Variants in GRHL1 observed in about 807,000 individuals in gnomAD.
The protein encoded by GRHL1 is grainyhead-like protein 1 homolog.
A neutral mutation model predicts 75.7 loss-of-function variants in GRHL1; 38 were observed. The observed-to-expected ratio is 0.50, with a 90% CI of 0.39 to 0.66. The LOEUF (loss-of-function observed/expected upper bound fraction) is 0.66, where lower values mean the gene tolerates loss of function less well. GRHL1 is among the 30% of genes least tolerant of loss of function. The pLI, the probability that GRHL1 is intolerant of heterozygous loss-of-function variation, is 0.00. For missense variants in GRHL1, 589 were observed against 767.5 expected (o/e 0.77, Z 2.75); for synonymous variants, 266 against 279.4 (o/e 0.95, Z 0.48).
At chr2:9,975,600 G>A (rs1038545937) in intron 8 of GRHL1, among the ~76,000 whole-genome samples, 3 of 152,124 alleles carry the variant, frequency 2.0e-5, no homozygotes, top group South Asian at 2.1e-4. Context: ...AACACAGGCC[G>A]GGCGCGGTGG....
Position 9,998,732 on chromosome 2 carries a change from GTATATATGTACACACATATATACGTA to G in GRHL1, c.1678-184_1678-159del, listed in dbSNP as rs1558321045. On this transcript the variant is annotated intron_variant, in intron 14 of 15. Transcript: ENST00000324907. ...CATATATATGTACACACATATATAC[GTATATATGTACACACATATATACGTA>G]TATATATGTACACACATATATACGT... is the stretch of plus-strand genomic sequence containing the variant. Among the ~76,000 whole-genome samples, 25 of 25,436 alleles carry G rather than the reference GTATATATGTACACACATATATACGTA, an allele frequency of 9.8e-4. 3 individuals carry two copies. Among genetic ancestry groups the G allele is most frequent in the Non-Finnish European group, 1.2e-3 (19 of 16,002 alleles). 16.7% of individuals were successfully genotyped at this position (25,436 alleles called of 152,430 possible).
chr2:9,996,130 T>G (rs919741723), intron 13 of GRHL1, among the ~76,000 whole-genome samples, 160 bp downstream of exon 13: 1 of 152,212 alleles, frequency 6.6e-6, no homozygotes, highest in Non-Finnish European at 1.5e-5. Flanking sequence ...TAGAGCAAAG[T>G]TCAGAGAAGC....
intron 1 of GRHL1, among the ~76,000 whole-genome samples, chr2:9,954,542 T>A (rs746206666): frequency 6.6e-6 from 1 of 152,194 alleles, no homozygotes; most frequent in Non-Finnish European, 1.5e-5. Flanking sequence ...GGGACAGTCC[T>A]GATTGTGTGT....
chr2:9,989,839 C>T (rs1388534718), intron 9 of GRHL1, among the ~76,000 whole-genome samples: 3 of 152,072 alleles, frequency 2.0e-5, no homozygotes, highest in Admixed American at 6.5e-5. Context: ...CGTGAGCCAC[C>T]GCGCCCAGCC....
At chr2:9,954,778 G>A in intron 1 of GRHL1, 137 bp from the exon 2 acceptor site, 1 of 769,212 alleles carries the variant, frequency 1.3e-6, no homozygotes, top group East Asian at 2.7e-5. Context: ...TTGTCTTCTG[G>A]TCTTGTCTTA....
chr2:9,975,613 C>G (rs1359853521), intron 8 of GRHL1, among the ~76,000 whole-genome samples: 1 of 152,056 alleles, frequency 6.6e-6, no homozygotes, highest in Non-Finnish European at 1.5e-5. Flanking sequence ...CGCGGTGGCT[C>G]TTGCCGGTAA....
rs548120688 is a variant in GRHL1, at chr2:9,962,900, CT to C, written c.746+380del. The stretch of plus-strand genomic sequence containing the variant: ...TAGGAGTAATATCAAGTGATAAAAG[CT>C]TTTTTTTTTTAAAATCAGCCTCACT... On this transcript the variant is annotated intron_variant, in intron 5 of 15. Coordinates refer to ENST00000324907, the MANE Select transcript of GRHL1 (RefSeq NM_198182.3). Among the ~76,000 whole-genome samples, 522 of 145,378 alleles carry C rather than the reference CT, an allele frequency of 3.6e-3. 1 individual carries two copies. Among genetic ancestry groups the C allele is most frequent in the African/African-American group, 0.011 (445 of 39,874 alleles).
intron 1 of GRHL1, 41 bp from the exon 2 acceptor site, chr2:9,954,874 G>T: frequency 6.6e-7 from 1 of 1,523,482 alleles, no homozygotes; most frequent in South Asian, 1.1e-5. Flanking sequence ...CCTTGCAGTA[G>T]AAAAGTGTGT....
chr2:9,994,947 C>T (rs977109481), intron 12 of GRHL1, among the ~76,000 whole-genome samples: 3 of 152,164 alleles, frequency 2.0e-5, no homozygotes, highest in Non-Finnish European at 4.4e-5. Flanking sequence ...CAGCCTCCTT[C>T]CCCTGGTTTT....
At chr2:9,966,959 T>C in intron 8 of GRHL1, among the ~76,000 whole-genome samples, 1 of 152,186 alleles carries the variant, frequency 6.6e-6, no homozygotes, top group East Asian at 1.9e-4. Flanking sequence ...TTTTATATAA[T>C]TGTTGTTACA....
chr2:9,951,770 G>A lies in GRHL1; in HGVS notation c.-64G>A. On this transcript the variant is annotated 5_prime_UTR_variant, in exon 1 of 16. Coordinates refer to ENST00000324907, the MANE Select transcript of GRHL1 (RefSeq NM_198182.3). This position sits in a 1 kb window ranked among gnomAD's most constrained non-coding sequence, Gnocchi z 4.2. ...CCGCCGCCGCCGCCTCCTCCCCCCGGATCGGGTGTACTGTCCCAACCCGAA... is the reference window on the plus strand; with the variant it reads ...CCGCCGCCGCCGCCTCCTCCCCCCGAATCGGGTGTACTGTCCCAACCCGAA... 1 of 1,462,266 alleles carries A rather than the reference G, an allele frequency of 6.8e-7. No individual in the cohort carries two copies. 90.6% of individuals were successfully genotyped at this position (1,462,266 alleles called of 1,614,324 possible).
In GRHL1 at chr2:9,986,267, G is replaced by A. The variant is rs756628037; in HGVS notation, c.1254G>A (p.Lys418=). 2 of 1,613,280 alleles carry A rather than the reference G, an allele frequency of 1.2e-6. No homozygotes were observed. The highest frequency in any genetic ancestry group is 1.7e-5 in the Admixed American group (1 of 59,840). ...TGCACCGGGCCTACTGCCAGATCAA[G>A]GTCTTCTGTGACAAGGTAAGATCGG... ...KPVHRAYCQI[K]VFCDKGAERK... Residue 418 remains lysine, a synonymous_variant, in exon 9 of 16, where the codon AAG becomes AAA. Coordinates refer to ENST00000324907, the MANE Select transcript of GRHL1 (RefSeq NM_198182.3).
rs377503707 is a variant in GRHL1 at position 9,954,981 on chromosome 2, G to A, written c.87G>A (p.Glu29=). The A allele has an allele frequency of 1.9e-5, 30 of 1,613,046 alleles. No individual in the cohort carries two copies. Among genetic ancestry groups the A allele is most frequent in the Non-Finnish European group, 2.2e-5 (26 of 1,179,144 alleles). Residue 29 remains glutamate (E), a synonymous_variant, in exon 2 of 16, where the codon GAG becomes GAA. Coordinates refer to ENST00000324907, the MANE Select transcript of GRHL1 (RefSeq NM_198182.3). ...LYPQRRSYTS[E]DEAWKSFLEN... is the part of the protein sequence containing the mutation. ...CACAGCGGCGGTCCTACACTAGTGA[G>A]GATGAGGCCTGGAAATCCTTCCTGG...
At position 9,990,726 on chromosome 2, in the gene GRHL1, C is replaced by G. The variant is rs1337066237; in HGVS notation, c.1300C>G (p.Arg434Gly). 3 of 1,611,106 alleles carry G rather than the reference C, an allele frequency of 1.9e-6. No individual in the cohort carries two copies. The highest frequency in any genetic ancestry group is 1.3e-5 in the African/African-American group (1 of 74,764). Residue 434 changes from arginine to glycine, a missense_variant, in exon 10 of 16, where the codon CGA (arginine) becomes GGA (glycine). By Grantham distance (125) the Arg-to-Gly change is moderately radical (BLOSUM62 -2). Around this residue, in one of 5 missense-constraint regions of GRHL1, gnomAD observed 192 missense variants for 226.6 expected, o/e 0.85. Transcript: ENST00000324907. The surrounding 1 kb of genome is among the most constrained non-coding windows in gnomAD (Gnocchi z 4.2). Reference sequence around the variant, plus strand: ...TGAGCGGAAAATCAGGGATGAAGAACGAAAGCAAAGCAAAAGAAAAGGCAA... The same window carrying G: ...TGAGCGGAAAATCAGGGATGAAGAAGGAAAGCAAAGCAAAAGAAAAGGCAA... ...GAERKIRDEE[R>G]KQSKRKVSDV... is the part of the protein sequence containing the mutation.
At chr2:9,954,080 G>A (rs1265436370) in intron 1 of GRHL1, among the ~76,000 whole-genome samples, 2 of 152,028 alleles carry the variant, frequency 1.3e-5, no homozygotes, top group Non-Finnish European at 2.9e-5. Context: ...CACTAAGATC[G>A]CCATTGATTT....
chr2:9,957,550 C>T (rs959245757), intron 2 of GRHL1, among the ~76,000 whole-genome samples: 1 of 152,086 alleles, frequency 6.6e-6, no homozygotes, highest in African/African-American at 2.4e-5. Context: ...GCTAGGACTG[C>T]AGGCGTGTGC....
intron 7 of GRHL1, chr2:9,964,607 G>GAAT (rs1262844226): frequency 5.4e-6 from 2 of 370,032 alleles, no homozygotes; most frequent in African/African-American, 4.1e-5. Context: ...GCTAACCTGA[G>GAAT]AATGTCCCCA....
chr2:9,955,979 T>A (rs775134198), intron 2 of GRHL1, among the ~76,000 whole-genome samples: 3 of 152,258 alleles, frequency 2.0e-5, no homozygotes, highest in Non-Finnish European at 2.9e-5. Context: ...TGTCACTCTG[T>A]GTGACTAACC....
At chr2:9,958,007 G>A (rs1192284830) in intron 2 of GRHL1, among the ~76,000 whole-genome samples, 1 of 152,160 alleles carries the variant, frequency 6.6e-6, no homozygotes, top group Non-Finnish European at 1.5e-5. Context: ...TAGAAGAAAT[G>A]AAGGGTTAAC....
Sources: gnomAD v4.1 joint callset for allele counts (sites outside exome capture counted in the v4.1 genomes callset) on GRCh38, gnomAD v4.1.1 for gene constraint, gnomAD v4.1.1 regional missense constraint, Gnocchi (gnomAD v3.1) non-coding constraint, MANE v1.5 for transcripts, NCBI Gene and HGNC (gene_info 2026-07-23, HGNC 2026-07-21) for gene names.